CDH17: variants seen among roughly 807,000 people sequenced by gnomAD.
The protein encoded by CDH17 is cadherin-17.
Under a neutral mutation model 86.3 loss-of-function variants are expected in CDH17, and 67 were observed. The observed-to-expected ratio is 0.78, with a 90% CI of 0.64 to 0.95. CDH17 has a LOEUF of 0.95. CDH17 is among the 40% of genes least tolerant of loss of function. CDH17 has a pLI of 0.00. For synonymous variants in CDH17, 367 were observed against 366.4 expected, an observed-to-expected ratio of 1.00 and a Z score of -0.02; for missense variants, 993 against 1,017.6, an observed-to-expected ratio of 0.98 and a Z score of 0.33.
rs547978637 is a variant in CDH17 at position 94,131,452 on chromosome 8, A to G, written c.2168-460T>C. ...CATTCTAACATTTAACTCACATCTA[A>G]CAGCACTAGAACTTCCTGAACAAAG... is the stretch of plus-strand genomic sequence containing the variant. On this transcript the variant is annotated intron_variant, in intron 15 of 17. Coordinates refer to ENST00000027335, the MANE Select transcript of CDH17 (RefSeq NM_004063.4). Among the ~76,000 whole-genome samples, 3 of 152,356 alleles carry G rather than the reference A, an allele frequency of 2.0e-5. No individual in the cohort carries two copies. In the East Asian group the frequency reaches 5.8e-4, roughly 29 times the overall value.
chr8:94,200,160 C>G (rs1368955542), intron 1 of CDH17, among the ~76,000 whole-genome samples: 2 of 152,142 alleles, frequency 1.3e-5, no homozygotes, highest in Non-Finnish European at 2.9e-5. Flanking sequence ...GGACTTTGGT[C>G]TCTCAAACAG....
At position 94,177,739 on chromosome 8, in the gene CDH17, A is replaced by G. The variant is rs369451618; in HGVS notation, c.151-18T>C. 5.8e-5 allele frequency: 94 copies of G among 1,612,324 alleles called. No individual in the cohort carries two copies. Among genetic ancestry groups the G allele is most frequent in the Non-Finnish European group, 5.1e-6 (6 of 1,179,152 alleles). ...GCCTTAAACTGGGGAAAAAGCAAAA[A>G]ACAGATTAAGTTGTAAGGGAAAAAA... On this transcript the variant is annotated intron_variant, in intron 3 of 17. Coordinates refer to ENST00000027335, the MANE Select transcript of CDH17 (RefSeq NM_004063.4).
At chr8:94,174,650 A>T (rs935091498) in intron 5 of CDH17, among the ~76,000 whole-genome samples, 2 of 152,218 alleles carry the variant, frequency 1.3e-5, no homozygotes, top group African/African-American at 2.4e-5. Context: ...GTATAGTACT[A>T]AAGAATGTCC....
At chr8:94,131,858 T>G (rs972926902) in intron 15 of CDH17, among the ~76,000 whole-genome samples, 4 of 152,152 alleles carry the variant, frequency 2.6e-5, no homozygotes, top group African/African-American at 9.7e-5. Context: ...CTCTGGTGTG[T>G]GATGTTCCCC....
intron 10 of CDH17, among the ~76,000 whole-genome samples, chr8:94,163,861 G>C (rs2130623940): frequency 6.6e-6 from 1 of 152,318 alleles, no homozygotes; most frequent in Admixed American, 6.5e-5. Context: ...CCCAGACCCA[G>C]AACCCACTGG....
At chr8:94,138,735 A>G (rs892338225) in intron 15 of CDH17, among the ~76,000 whole-genome samples, 1 of 152,216 alleles carries the variant, frequency 6.6e-6, no homozygotes, top group Non-Finnish European at 1.5e-5. Flanking sequence ...CCCTAGAGCT[A>G]AAAATCTCAT....
At chr8:94,152,874 G>A (rs751420179) in intron 12 of CDH17, among the ~76,000 whole-genome samples, 19 of 152,236 alleles carry the variant, frequency 1.2e-4, no homozygotes, top group Admixed American at 4.6e-4. Context: ...TGCCATGTTG[G>A]CCAGGCTGGT....
rs141706076 is a variant in CDH17 at position 94,204,670 on chromosome 8, G to T, written c.-21+3813C>A. On this transcript the variant is annotated intron_variant, in intron 1 of 17. Transcript: ENST00000027335. ...CCTTTGGGTATATACCCAGTAATGG[G>T]ATTACTAGCATAATTATTCTTATTA... Among the ~76,000 whole-genome samples the T allele has an allele frequency of 7.9e-3, 1,205 of 152,264 alleles. 10 individuals are homozygous for T. The highest frequency in any genetic ancestry group is 0.024 in the Middle Eastern group (7 of 294).
At chr8:94,174,080 A>G (rs750493386) in intron 6 of CDH17, 22 bp downstream of exon 6, 39 of 1,612,500 alleles carry the variant, frequency 2.4e-5, no homozygotes, top group Non-Finnish European at 3.3e-5. Context: ...AGACAGTCCT[A>G]CCAGGGCACC....
chr8:94,200,457 G>C (rs1008069594), intron 1 of CDH17, among the ~76,000 whole-genome samples: 1 of 144,074 alleles, frequency 6.9e-6, no homozygotes, highest in African/African-American at 2.6e-5. Flanking sequence ...ACTAAATTCA[G>C]ACAGTTACTA....
chr8:94,134,383 GA>G (rs1586230065), intron 15 of CDH17, among the ~76,000 whole-genome samples: 1 of 152,194 alleles, frequency 6.6e-6, no homozygotes, highest in East Asian at 1.9e-4. Context: ...TCAGTCTTGG[GA>G]AGGGTGTATG....
intron 2 of CDH17, among the ~76,000 whole-genome samples, chr8:94,190,188 G>A (rs1813660005): frequency 6.6e-6 from 1 of 152,202 alleles, no homozygotes; most frequent in Non-Finnish European, 1.5e-5. Flanking sequence ...AAGACCCAAA[G>A]AGGTTAAATT....
At chr8:94,133,772 C>T (rs1313971073) in intron 15 of CDH17, among the ~76,000 whole-genome samples, 1 of 152,132 alleles carries the variant, frequency 6.6e-6, no homozygotes, top group Non-Finnish European at 1.5e-5. Context: ...TTTACCCATT[C>T]AATATGATAT....
At chr8:94,146,491 T>C (rs1812747237) in intron 14 of CDH17, among the ~76,000 whole-genome samples, 1 of 152,254 alleles carries the variant, frequency 6.6e-6, no homozygotes, top group Non-Finnish European at 1.5e-5. Flanking sequence ...CACCTTCACT[T>C]GCTCTTTAGC....
At chr8:94,186,768 C>T (rs1813589524) in intron 3 of CDH17, among the ~76,000 whole-genome samples, 1 of 152,226 alleles carries the variant, frequency 6.6e-6, no homozygotes, top group Non-Finnish European at 1.5e-5. Context: ...TGAGTGATCA[C>T]ACAGTAAGCT....
Position 94,193,069 on chromosome 8 carries a change from C to G in CDH17, c.51+1566G>C, listed in dbSNP as rs552336993. 3.3e-5 allele frequency among the ~76,000 whole-genome samples: 5 copies of G among 152,282 alleles called. No individual in the cohort carries two copies. The East Asian group carries it at 9.7e-4, about 29-fold the overall frequency. ...ACTCCCTGACTTCACCCAGAGACAG[C>G]TGTGCTTGTGGCTTTCACCTGGGTA... On this transcript the variant is annotated intron_variant, in intron 2 of 17. Coordinates refer to ENST00000027335, the MANE Select transcript of CDH17 (RefSeq NM_004063.4).
Position 94,128,268 on chromosome 8 carries a change from G to T in CDH17, c.2471C>A (p.Ala824Glu), listed in dbSNP as rs760297960. 5 of 1,613,050 alleles carry T rather than the reference G, an allele frequency of 3.1e-6. No homozygotes were observed. Among genetic ancestry groups the T allele is most frequent in the Non-Finnish European group, 3.4e-6 (4 of 1,179,222 alleles). ...KGKDNVESAQASEVKPLRS is the reference protein window; with the variant it reads ...KGKDNVESAQESEVKPLRS ...GCTTCTCAGAGGTTTGACTTCAGAT[G>T]CTTGAGCACTTTCAACATTATCTTT... is the stretch of plus-strand genomic sequence containing the variant. Residue 824 changes from alanine (A) to glutamate (E), a missense_variant, in exon 18 of 18, where the codon GCA becomes GAA. Physicochemically the swap from Ala to Glu is moderately radical, Grantham distance 107 (BLOSUM62 -1). Coordinates refer to ENST00000027335, the MANE Select transcript of CDH17 (RefSeq NM_004063.4).
chr8:94,179,241 T>A (rs1047727998), intron 3 of CDH17, among the ~76,000 whole-genome samples: 1 of 152,134 alleles, frequency 6.6e-6, no homozygotes, highest in Non-Finnish European at 1.5e-5. Flanking sequence ...GGCATTTCCC[T>A]GGGAACATCT....
At chr8:94,201,167 G>A (rs556602334) in intron 1 of CDH17, among the ~76,000 whole-genome samples, 3 of 152,220 alleles carry the variant, frequency 2.0e-5, no homozygotes, top group South Asian at 2.1e-4. Flanking sequence ...CCTGCCTGGA[G>A]GAAAAGGCTG....
Sources: gnomAD v4.1 joint callset for allele counts (sites outside exome capture counted in the v4.1 genomes callset) on GRCh38, gnomAD v4.1.1 for gene constraint, MANE v1.5 for transcripts, NCBI Gene and HGNC (gene_info 2026-07-23, HGNC 2026-07-21) for gene names.